The following GABRA2 variants were observed in gnomAD, a reference collection of about 807,000 sequenced individuals.
GABRA2 encodes the protein gamma-aminobutyric acid type A receptor subunit alpha2, also known as gamma-aminobutyric acid receptor subunit alpha-2.
A neutral mutation model predicts 48.7 loss-of-function variants in GABRA2; 16 were observed. The observed-to-expected ratio is 0.33, with a 90% CI of 0.22 to 0.50. The LOEUF (loss-of-function observed/expected upper bound fraction) is 0.50, where lower values mean the gene tolerates loss of function less well. Ranked by LOEUF, GABRA2 falls within the 20% of genes least tolerant of loss-of-function variation. The probability of loss-of-function intolerance (pLI) is 0.98; values close to 1 mark genes in which losing one functional copy is unlikely to be tolerated. For synonymous variants in GABRA2, 185 were observed against 184.5 expected, an observed-to-expected ratio of 1.00 and a Z score of -0.02; for missense variants, 275 against 535.6, an observed-to-expected ratio of 0.51 and a Z score of 4.80.
In GABRA2 at chr4:46,291,776, C is replaced by CACAT. The variant is rs1553906974; in HGVS notation, c.856+11683_856+11684insATGT. ...AGTTAATACTATTAATAAACACACA[C>CACAT]ATATATATATATATACATATACATA... On this transcript the variant is annotated intron_variant, in intron 8 of 9. Transcript: ENST00000381620. Among the ~76,000 whole-genome samples the CACAT allele has an allele frequency of 1.5e-3, 216 of 144,802 alleles. 1 individual carries two copies. The highest frequency in any genetic ancestry group is 2.4e-3 in the Non-Finnish European group (158 of 66,478). The allele number at this position is 144,802 out of a possible 152,430, so 95.0% of individuals were successfully genotyped here.
At chr4:46,320,277 C>CA (rs1221410055) in intron 4 of GABRA2, among the ~76,000 whole-genome samples, 1 of 151,782 alleles carries the variant, frequency 6.6e-6, no homozygotes, top group Non-Finnish European at 1.5e-5. Flanking sequence ...ATCCCATACA[C>CA]AAAAATCAAC....
intron 8 of GABRA2, among the ~76,000 whole-genome samples, chr4:46,301,741 G>T (rs1464696887): frequency 6.6e-6 from 1 of 152,112 alleles, no homozygotes; most frequent in Non-Finnish European, 1.5e-5. Context: ...TCTTTTACAA[G>T]ACCTTTACCT....
intron 6 of GABRA2, among the ~76,000 whole-genome samples, chr4:46,308,076 G>A (rs1193047408): frequency 6.6e-6 from 1 of 152,058 alleles, no homozygotes; most frequent in Admixed American, 6.6e-5. Flanking sequence ...GCATTAAGCA[G>A]ATGTATACCA....
chr4:46,264,114 T>G (rs2109361124), intron 8 of GABRA2, among the ~76,000 whole-genome samples: 1 of 151,866 alleles, frequency 6.6e-6, no homozygotes, highest in Middle Eastern at 3.4e-3. Context: ...TTCTTAACAT[T>G]CTGTTGAGAC....
At chr4:46,293,520 G>A (rs961966707) in intron 8 of GABRA2, among the ~76,000 whole-genome samples, 1 of 152,142 alleles carries the variant, frequency 6.6e-6, no homozygotes, top group Non-Finnish European at 1.5e-5. Flanking sequence ...TGGAGGTCAG[G>A]GAATTAATGG....
intron 9 of GABRA2, among the ~76,000 whole-genome samples, chr4:46,260,339 A>G (rs1716701521): frequency 6.6e-6 from 1 of 151,936 alleles, no homozygotes; most frequent in Non-Finnish European, 1.5e-5. Flanking sequence ...GGCTATGTGT[A>G]ATTTGGCATA....
chr4:46,291,776 C>CATATATAT (rs560142153), intron 8 of GABRA2, among the ~76,000 whole-genome samples: 5,890 of 144,534 alleles, frequency 0.041, 133 homozygotes, highest in Middle Eastern at 0.065. Context: ...TAAACACACA[C>CATATATAT]ATATATATAT....
At chr4:46,311,637 C>T (rs1182899470) in intron 5 of GABRA2, among the ~76,000 whole-genome samples, 1 of 152,106 alleles carries the variant, frequency 6.6e-6, no homozygotes, top group East Asian at 1.9e-4. Context: ...ATCATATAAA[C>T]AATGCTATAG....
Position 46,250,082 on chromosome 4 carries a change from A to G in GABRA2, c.*226T>C. The G allele has an allele frequency of 4.2e-6, 2 of 471,472 alleles. No individual in the cohort carries two copies. Among genetic ancestry groups the G allele is most frequent in the Admixed American group, 3.7e-5 (1 of 26,884 alleles). 29.2% of individuals were successfully genotyped at this position (471,472 alleles called of 1,614,324 possible). A position where few individuals can be genotyped will look rare whatever the true frequency, so the allele number is the denominator to read the frequency against. On this transcript the variant is annotated 3_prime_UTR_variant, in exon 10 of 10. Transcript: ENST00000381620. Reference sequence around the variant, plus strand: ...TCACTTTAAATCAGGTCCTAGGGTAAATCTTTAAAAAAGGCAATGGCTGTT... The same window carrying G: ...TCACTTTAAATCAGGTCCTAGGGTAGATCTTTAAAAAAGGCAATGGCTGTT...
chr4:46,288,529 G>A (rs1001962811), intron 8 of GABRA2, among the ~76,000 whole-genome samples: 3 of 152,112 alleles, frequency 2.0e-5, no homozygotes, highest in African/African-American at 7.2e-5. Context: ...GATTGAAACT[G>A]TATCCCTTTC....
intron 8 of GABRA2, among the ~76,000 whole-genome samples, chr4:46,292,475 G>A (rs114158580): frequency 6.5e-4 from 99 of 152,314 alleles, no homozygotes; most frequent in African/African-American, 2.2e-3. Context: ...GGAGGACCCT[G>A]AGGAAGCTGA....
intron 3 of GABRA2, among the ~76,000 whole-genome samples, chr4:46,370,146 T>C (rs1317814930): frequency 6.6e-6 from 1 of 151,490 alleles, no homozygotes; most frequent in African/African-American, 2.4e-5. Context: ...TAGTGGATAA[T>C]CATAGAAAGG....
intron 9 of GABRA2, among the ~76,000 whole-genome samples, chr4:46,254,451 C>T (rs761125448): frequency 6.6e-6 from 1 of 151,320 alleles, no homozygotes; most frequent in South Asian, 2.1e-4. Flanking sequence ...TAGAAAAGTT[C>T]GGATAGTTCT....
chr4:46,263,956 C>T (rs1717576311), intron 8 of GABRA2, among the ~76,000 whole-genome samples: 1 of 150,236 alleles, frequency 6.7e-6, no homozygotes, highest in Admixed American at 6.6e-5. Flanking sequence ...CTCTATTTCT[C>T]TATAATAAAC....
intron 9 of GABRA2, among the ~76,000 whole-genome samples, chr4:46,259,567 T>C (rs961543176): frequency 5.3e-5 from 8 of 151,952 alleles, no homozygotes; most frequent in Admixed American, 2.6e-4. Flanking sequence ...TAAAGACATA[T>C]GTCTTTTTCT....
At chr4:46,254,810 A>C (rs1385663810) in intron 9 of GABRA2, among the ~76,000 whole-genome samples, 1 of 151,524 alleles carries the variant, frequency 6.6e-6, no homozygotes, top group Non-Finnish European at 1.5e-5. Flanking sequence ...TAATTAAAGC[A>C]AAAAAATGTC....
intron 8 of GABRA2, among the ~76,000 whole-genome samples, chr4:46,302,248 A>C (rs527448046): frequency 6.6e-6 from 1 of 152,012 alleles, no homozygotes; most frequent in Admixed American, 6.6e-5. Context: ...TTTTAGAGAG[A>C]CAGGGTCTTG....
At chr4:46,310,755 A>T (rs1385519846) in intron 5 of GABRA2, among the ~76,000 whole-genome samples, 1 of 152,200 alleles carries the variant, frequency 6.6e-6, no homozygotes, top group Non-Finnish European at 1.5e-5. Context: ...ATATAGTGCT[A>T]GATATAAATA....
At chr4:46,274,911 C>CA (rs1339444769) in intron 8 of GABRA2, among the ~76,000 whole-genome samples, 1 of 151,950 alleles carries the variant, frequency 6.6e-6, no homozygotes, top group Non-Finnish European at 1.5e-5. Context: ...AAACCAAAAC[C>CA]AAGGATGCAA....
Sources: allele counts gnomAD v4.1 joint callset (sites outside exome capture counted in the v4.1 genomes callset), GRCh38; gene constraint gnomAD v4.1.1; transcripts MANE v1.5; gene names NCBI Gene and HGNC (gene_info 2026-07-23, HGNC 2026-07-21).